XPR1: variants seen among roughly 807,000 people sequenced by gnomAD.
The protein encoded by XPR1 is xenotropic and polytropic retrovirus receptor 1.
XPR1 carries 28 observed loss-of-function variants against 87.5 expected under a neutral mutation model. The observed-to-expected ratio is 0.32, with a 90% confidence interval of 0.24 to 0.44. The LOEUF (loss-of-function observed/expected upper bound fraction) is 0.44. Ranked by LOEUF, XPR1 falls within the 20% of genes least tolerant of loss-of-function variation. XPR1 has a pLI of 1.00. For synonymous variants in XPR1, 300 were observed against 306.1 expected (o/e 0.98, Z 0.21); for missense variants, 559 against 862.3 (o/e 0.65, Z 4.41).
chr1:180,857,085 T>C (rs1236396122), intron 11 of XPR1, among the ~76,000 whole-genome samples: 3 of 152,242 alleles, frequency 2.0e-5, no homozygotes, highest in Non-Finnish European at 4.4e-5. Context: ...TTACATAAAA[T>C]ATATTATTAA....
intron 13 of XPR1, among the ~76,000 whole-genome samples, chr1:180,877,292 C>T (rs150550431): frequency 2.0e-5 from 3 of 152,254 alleles, no homozygotes; most frequent in Non-Finnish European, 4.4e-5. Context: ...TATATAGTTA[C>T]AGTGAGTAAG....
intron 1 of XPR1, among the ~76,000 whole-genome samples, chr1:180,676,069 A>G (rs764174579): frequency 2.6e-5 from 4 of 152,172 alleles, no homozygotes; most frequent in South Asian, 2.1e-4. Context: ...AAGACTCGTC[A>G]TTTTTCTCCT....
intron 2 of XPR1, among the ~76,000 whole-genome samples, chr1:180,721,951 A>C (rs2101998016): frequency 6.6e-6 from 1 of 152,260 alleles, no homozygotes. Context: ...TTAGTAGTTA[A>C]GTTTTTGGAG....
chr1:180,815,248 GGTTTTTTTGTTTAGTATATACAGACTAT>G, intron 7 of XPR1, among the ~76,000 whole-genome samples: 1 of 151,368 alleles, frequency 6.6e-6, no homozygotes, highest in East Asian at 1.9e-4. Context: ...ACAATTTGAG[GGTTTTTTTGTTTAGTATATACAGACTAT>G]GTTTTTGTAA....
intron 2 of XPR1, among the ~76,000 whole-genome samples, chr1:180,718,663 A>T (rs1164314495): frequency 1.4e-5 from 2 of 145,248 alleles, no homozygotes; most frequent in African/African-American, 2.6e-5. Context: ...GGACTTGAGC[A>T]TCTGTATTTT....
intron 1 of XPR1, among the ~76,000 whole-genome samples, chr1:180,659,205 CCT>C (rs1197857251): frequency 6.4e-5 from 2 of 31,108 alleles, no homozygotes; most frequent in Non-Finnish European, 1.4e-4. Context: ...TTCCTTCCTT[CCT>C]TCCTTCCTTC....
intron 6 of XPR1, among the ~76,000 whole-genome samples, chr1:180,808,839 TA>T (rs1223057748): frequency 6.6e-6 from 1 of 152,184 alleles, no homozygotes; most frequent in Non-Finnish European, 1.5e-5. Context: ...TGGTGGAATA[TA>T]AAATGTATAA....
intron 1 of XPR1, among the ~76,000 whole-genome samples, chr1:180,657,173 T>A (rs1360007406): frequency 6.6e-6 from 1 of 152,178 alleles, no homozygotes; most frequent in Admixed American, 6.5e-5. Flanking sequence ...TTGGTCCATT[T>A]CTTAATTGGA....
At chr1:180,878,690 A>G (rs771362146) in intron 13 of XPR1, among the ~76,000 whole-genome samples, 7 of 152,138 alleles carry the variant, frequency 4.6e-5, no homozygotes, top group Non-Finnish European at 8.8e-5. Flanking sequence ...GTGCTTTTAG[A>G]TCGTACTGCC....
intron 1 of XPR1, among the ~76,000 whole-genome samples, chr1:180,681,526 G>C (rs1377705215): frequency 6.6e-6 from 1 of 152,124 alleles, no homozygotes; most frequent in Non-Finnish European, 1.5e-5. Flanking sequence ...GGCGCCTGTA[G>C]TCCCAGCTAC....
At chr1:180,714,403 G>C (rs866988735) in intron 2 of XPR1, among the ~76,000 whole-genome samples, 797 of 50,948 alleles carry the variant, frequency 0.016, 2 homozygotes, top group African/African-American at 0.025. Context: ...CTCTCTCTCT[G>C]TCGTCTGTCT....
intron 9 of XPR1, among the ~76,000 whole-genome samples, chr1:180,828,944 C>T (rs1420739264): frequency 6.6e-6 from 1 of 152,120 alleles, no homozygotes; most frequent in African/African-American, 2.4e-5. Context: ...TGCCTGTAAT[C>T]CTAGCACTTT....
chr1:180,713,751 T>C (rs1657885295), intron 2 of XPR1, among the ~76,000 whole-genome samples: 1 of 152,208 alleles, frequency 6.6e-6, no homozygotes, highest in Non-Finnish European at 1.5e-5. Context: ...ATCCTTTTTA[T>C]ATGTTGTTGA....
intron 2 of XPR1, among the ~76,000 whole-genome samples, chr1:180,709,902 T>TAA (rs1557968197): frequency 2.8e-5 from 4 of 141,464 alleles, no homozygotes; most frequent in African/African-American, 1.1e-4. Context: ...TTTTTTTTTT[T>TAA]AATTTTTTTA....
At chr1:180,642,816 G>T (rs773339815) in intron 1 of XPR1, among the ~76,000 whole-genome samples, 1 of 152,082 alleles carries the variant, frequency 6.6e-6, no homozygotes, top group East Asian at 1.9e-4. Context: ...GTGTAAAGAC[G>T]TTTATCTTGG....
intron 1 of XPR1, among the ~76,000 whole-genome samples, chr1:180,681,812 A>G (rs1311167531): frequency 6.6e-6 from 1 of 152,148 alleles, no homozygotes; most frequent in East Asian, 1.9e-4. Context: ...GGGCATCACC[A>G]TGCCTGGCTA....
At chr1:180,659,337 TTCCG>T (rs1655669282) in intron 1 of XPR1, among the ~76,000 whole-genome samples, 2 of 126,674 alleles carry the variant, frequency 1.6e-5, no homozygotes, top group South Asian at 2.7e-4. Flanking sequence ...CCTTCCTTCC[TTCCG>T]TCCTTCCTTC....
chr1:180,866,790 T>A (rs990872323), intron 12 of XPR1, among the ~76,000 whole-genome samples: 1 of 145,564 alleles, frequency 6.9e-6, no homozygotes, highest in Non-Finnish European at 1.5e-5. Flanking sequence ...TATACACATA[T>A]TAGTTTATTT....
intron 2 of XPR1, among the ~76,000 whole-genome samples, chr1:180,697,226 A>G (rs1657201754): frequency 6.6e-6 from 1 of 152,008 alleles, no homozygotes; most frequent in Non-Finnish European, 1.5e-5. Context: ...CAGGAACTTA[A>G]ACATTTTCTC....
Sources: allele counts gnomAD v4.1 joint callset (sites outside exome capture counted in the v4.1 genomes callset), GRCh38; gene constraint gnomAD v4.1.1; transcripts MANE v1.5; gene names NCBI Gene and HGNC (gene_info 2026-07-23, HGNC 2026-07-21).